CARD16: variants seen among roughly 807,000 people sequenced by gnomAD.
CARD16 encodes the protein caspase recruitment domain-containing protein 16.
Under a neutral mutation model 11.9 loss-of-function variants are expected in CARD16, and 8 were observed. The ratio of observed to expected loss-of-function variants is 0.67; its 90% confidence interval spans 0.39 to 1.21. CARD16 has a LOEUF of 1.21. Ranked by LOEUF, CARD16 falls within the 50% of genes most tolerant of loss-of-function variation. The pLI is 0.01. For missense variants in CARD16, 131 were observed against 118.1 expected (o/e 1.11, Z -0.51); for synonymous variants, 44 against 43.8 (o/e 1.00, Z -0.02).
rs777983267 is a variant in CARD16, at chr11:105,041,643, T to C, written c.*120A>G. Reference sequence around the variant, plus strand: ...GTTTCCATATCCTTTGAGCGTCTTCTAGAAAGCAAAGCTTGATTCTGCCTT... The same window carrying C: ...GTTTCCATATCCTTTGAGCGTCTTCCAGAAAGCAAAGCTTGATTCTGCCTT... On this transcript the variant is annotated 3_prime_UTR_variant, in exon 4 of 4. Coordinates refer to ENST00000673097, the MANE Select transcript of CARD16 (RefSeq NM_052889.4). 3 of 1,613,944 alleles carry C rather than the reference T, an allele frequency of 1.9e-6. No individual in the cohort carries two copies. In the African/African-American group the frequency reaches 4.0e-5, roughly 22 times the overall value.
At position 105,043,541 on chromosome 11, in the gene CARD16, C is replaced by G. The variant is rs1139550; in HGVS notation, c.279G>C (p.Pro93=). The change falls in exon 3 of 4, where the codon CCG becomes CCC. Residue 93 remains proline (P), a synonymous_variant. Transcript: ENST00000673097. The part of the protein sequence containing the change: ...LAETLGLSAG[P]IPGN ...GTGTACTAAGCTAATTTCCAGGTAT[C>G]GGACCTATAAAAAGATGAAGAACAT... is the stretch of plus-strand genomic sequence containing the variant. 6.2e-7 allele frequency: 1 copy of G among 1,606,190 alleles called. No homozygotes were observed. Among genetic ancestry groups the G allele is most frequent in the Non-Finnish European group, 8.5e-7 (1 of 1,173,980 alleles).
At chr11:105,044,852 C>T in intron 1 of CARD16, 194 bp from the exon 2 acceptor site, 3 of 953,262 alleles carry the variant, frequency 3.1e-6, no homozygotes, top group Non-Finnish European at 4.6e-6. Flanking sequence ...CATGGAGTGA[C>T]CTGAAGACTG....
intron 2 of CARD16, 21 bp downstream of exon 2, chr11:105,044,371 G>T (rs755536809): frequency 6.2e-6 from 10 of 1,613,724 alleles, no homozygotes; most frequent in Non-Finnish European, 8.5e-6. Flanking sequence ...GTGAACTTGA[G>T]TGTGAGTCAC....
At chr11:105,044,118 T>C in intron 2 of CARD16, 3 of 538,356 alleles carry the variant, frequency 5.6e-6, no homozygotes, top group Non-Finnish European at 9.9e-6. Flanking sequence ...TGGAACATAT[T>C]GTATGAAGCT....
intron 3 of CARD16, 102 bp downstream of exon 3, chr11:105,043,381 A>G: frequency 1.3e-6 from 1 of 772,630 alleles, no homozygotes; most frequent in Non-Finnish European, 2.1e-6. Flanking sequence ...TGATCAGTCT[A>G]TGGGAATTCT....
rs1864177232 is a variant in CARD16 at position 105,045,154 on chromosome 11, C to A, written c.7+137G>T. 4 of 1,241,886 alleles carry A rather than the reference C, an allele frequency of 3.2e-6. No homozygotes were observed. In the East Asian group the frequency reaches 9.3e-5, roughly 29 times the overall value. The allele number at this position is 1,241,886 out of a possible 1,614,324, so 76.9% of individuals were successfully genotyped here. Reference sequence around the variant, plus strand: ...CTGCAAAAATCTTCTAGTTCCTTCTCTCCTCCCACTCCTCCCTCTCCCTCA... The same window carrying A: ...CTGCAAAAATCTTCTAGTTCCTTCTATCCTCCCACTCCTCCCTCTCCCTCA... On this transcript the variant is annotated intron_variant, in intron 1 of 3. Transcript: ENST00000673097.
chr11:105,042,880 GC>G (rs1457997773), intron 3 of CARD16, among the ~76,000 whole-genome samples: 2 of 152,204 alleles, frequency 1.3e-5, no homozygotes, highest in Admixed American at 1.3e-4. Flanking sequence ...ATAAAAACAT[GC>G]ATTTCTAGCC....
intron 3 of CARD16, 53 bp from the exon 4 acceptor site, chr11:105,041,772 G>T (rs922249856): frequency 2.0e-6 from 3 of 1,537,682 alleles, no homozygotes; most frequent in African/African-American, 2.7e-5. Flanking sequence ...TGTTCTTATA[G>T]CCTCACCTAT....
intron 1 of CARD16, 68 bp downstream of exon 1, chr11:105,045,223 A>G (rs1364998407): frequency 6.2e-7 from 1 of 1,607,658 alleles, no homozygotes. Context: ...TATGGCTTCC[A>G]GAAGAGCCAG....
intron 2 of CARD16, 83 bp downstream of exon 2, chr11:105,044,309 A>C (rs1381114936): frequency 6.3e-7 from 1 of 1,598,676 alleles, no homozygotes; most frequent in African/African-American, 1.3e-5. Flanking sequence ...TATTCTGCAG[A>C]TTAACATGAC....
At chr11:105,044,841 G>A in intron 1 of CARD16, 183 bp from the exon 2 acceptor site, 1 of 1,062,100 alleles carries the variant, frequency 9.4e-7, no homozygotes, top group Non-Finnish European at 1.4e-6. Flanking sequence ...CCATATATGT[G>A]CATGGAGTGA....
At chr11:105,044,266 C>T in intron 2 of CARD16, 126 bp downstream of exon 2, 1 of 1,493,184 alleles carries the variant, frequency 6.7e-7, no homozygotes, top group South Asian at 1.3e-5. Context: ...GCCTCTGCTA[C>T]AGAAATATGG....
chr11:105,044,804 T>G (rs1367290689), intron 1 of CARD16, 146 bp from the exon 2 acceptor site: 30 of 1,417,600 alleles, frequency 2.1e-5, no homozygotes, highest in Non-Finnish European at 2.6e-5. Flanking sequence ...ACTGTATTGC[T>G]GTCCTACTTG....
chr11:105,042,809 T>G (rs1163541005), intron 3 of CARD16, among the ~76,000 whole-genome samples: 1 of 152,180 alleles, frequency 6.6e-6, no homozygotes, highest in African/African-American at 2.4e-5. Context: ...GTGAAACATT[T>G]AAGAAAACAT....
intron 1 of CARD16, 54 bp from the exon 2 acceptor site, chr11:105,044,712 C>T: frequency 4.4e-6 from 7 of 1,588,372 alleles, no homozygotes; most frequent in Non-Finnish European, 6.0e-6. Context: ...ATATTCCTCT[C>T]ACGTCATCAA....
chr11:105,044,836 T>C (rs10895763), intron 1 of CARD16, 178 bp from the exon 2 acceptor site: 291,997 of 1,134,894 alleles, frequency 0.26, 38,798 homozygotes, highest in Non-Finnish European at 0.27. Flanking sequence ...AGTCCCCATA[T>C]ATGTGCATGG....
chr11:105,045,141 T>C, intron 1 of CARD16, 150 bp downstream of exon 1: 1 of 1,128,864 alleles, frequency 8.9e-7, no homozygotes, highest in Non-Finnish European at 1.3e-6. Flanking sequence ...GCAAAAATCT[T>C]CTAGTTCCTT....
intron 3 of CARD16, among the ~76,000 whole-genome samples, chr11:105,042,570 G>T (rs999321519): frequency 6.6e-6 from 1 of 152,094 alleles, no homozygotes; most frequent in African/African-American, 2.4e-5. Flanking sequence ...AAACAAATTT[G>T]AAAAACTGCT....
intron 3 of CARD16, among the ~76,000 whole-genome samples, chr11:105,042,854 G>C (rs1164717218): frequency 6.6e-6 from 1 of 152,152 alleles, no homozygotes; most frequent in Non-Finnish European, 1.5e-5. Flanking sequence ...ATTCAGTAGA[G>C]TAATATCTGA....
Sources: allele counts gnomAD v4.1 joint callset (sites outside exome capture counted in the v4.1 genomes callset), GRCh38; gene constraint gnomAD v4.1.1; transcripts MANE v1.5; gene names NCBI Gene and HGNC (gene_info 2026-07-23, HGNC 2026-07-21).